The following SYNJ2 variants were observed in gnomAD, a reference collection of about 807,000 sequenced individuals.
SYNJ2 encodes synaptojanin 2.
SYNJ2 carries 116 observed loss-of-function variants against 141.3 expected under a neutral mutation model. The ratio of observed to expected loss-of-function variants is 0.82; its 90% CI spans 0.71 to 0.96. The LOEUF (loss-of-function observed/expected upper bound fraction) is 0.96, where lower values mean the gene tolerates loss of function less well. Ranked by LOEUF, SYNJ2 falls within the 40% of genes least tolerant of loss-of-function variation. The probability of loss-of-function intolerance (pLI) is 0.00; values close to 1 mark genes in which losing one functional copy is unlikely to be tolerated. For missense variants in SYNJ2, 1,873 were observed against 1,934.8 expected, an observed-to-expected ratio of 0.97 and a Z score of 0.60; for synonymous variants, 745 against 777.7, an observed-to-expected ratio of 0.96 and a Z score of 0.70.
chr6:158,000,474 T>C (rs1418052086), intron 1 of SYNJ2, among the ~76,000 whole-genome samples: 1 of 152,176 alleles, frequency 6.6e-6, no homozygotes, highest in African/African-American at 2.4e-5. Context: ...GGCCGTCTCA[T>C]AGCCCCTCTA....
intron 5 of SYNJ2, among the ~76,000 whole-genome samples, chr6:158,045,443 A>T (rs1418165973): frequency 6.6e-6 from 1 of 152,136 alleles, no homozygotes; most frequent in Non-Finnish European, 1.5e-5. Context: ...CAGGACCTCC[A>T]AAGGGCTGTC....
intron 20 of SYNJ2, 151 bp downstream of exon 20, chr6:158,081,661 A>T (rs1464435368): frequency 1.6e-6 from 1 of 633,600 alleles, no homozygotes; most frequent in African/African-American, 2.3e-5. Flanking sequence ...TTGCTCTGTC[A>T]TTCAGGCTGG....
At chr6:158,006,200 T>C (rs1294797469) in intron 1 of SYNJ2, among the ~76,000 whole-genome samples, 1 of 152,096 alleles carries the variant, frequency 6.6e-6, no homozygotes, top group Non-Finnish European at 1.5e-5. Context: ...CATGCACATA[T>C]GCACACGCAC....
intron 3 of SYNJ2, among the ~76,000 whole-genome samples, chr6:158,031,929 T>G (rs1779385873): frequency 6.6e-6 from 1 of 152,256 alleles, no homozygotes; most frequent in Non-Finnish European, 1.5e-5. Flanking sequence ...GCTGGCAGAC[T>G]CTGAAATATT....
intron 21 of SYNJ2, 139 bp downstream of exon 21, chr6:158,083,736 G>GCCCTCTGTC: frequency 8.4e-7 from 1 of 1,187,406 alleles, no homozygotes; most frequent in Non-Finnish European, 1.2e-6. Flanking sequence ...CATGTGATGA[G>GCCCTCTGTC]CATGTTTGTA....
At chr6:158,055,422 C>G (rs1345644972) in intron 6 of SYNJ2, among the ~76,000 whole-genome samples, 1 of 151,994 alleles carries the variant, frequency 6.6e-6, no homozygotes, top group East Asian at 1.9e-4. Flanking sequence ...TAAAAGTACC[C>G]TAACTCCCAG....
At chr6:158,038,689 G>A (rs1022610265) in intron 4 of SYNJ2, among the ~76,000 whole-genome samples, 1 of 152,258 alleles carries the variant, frequency 6.6e-6, no homozygotes, top group African/African-American at 2.4e-5. Flanking sequence ...TCCCAGGTGG[G>A]TGGGCATGGG....
At chr6:158,065,544 G>A (rs1030220862) in intron 11 of SYNJ2, among the ~76,000 whole-genome samples, 1 of 152,158 alleles carries the variant, frequency 6.6e-6, no homozygotes, top group African/African-American at 2.4e-5. Flanking sequence ...CTTCTTACCT[G>A]AGCCTGTAAA....
Position 158,070,160 on chromosome 6 carries a change from C to T in SYNJ2, c.1940+487C>T. On this transcript the variant is annotated intron_variant, in intron 14 of 26. Coordinates refer to ENST00000355585, the MANE Select transcript of SYNJ2 (RefSeq NM_003898.4). This position sits in a 1 kb window ranked among gnomAD's most constrained non-coding sequence, Gnocchi z 4.0. The stretch of plus-strand genomic sequence containing the variant: ...AGGGGGCGAGCTTAGGGGCGGCATT[C>T]CTCTTGGGGTGTGGGTGTGGGTGTT... 1 of 985,712 alleles carries T rather than the reference C, an allele frequency of 1.0e-6. No homozygotes were observed. The highest frequency in any genetic ancestry group is 1.2e-6 in the Non-Finnish European group (1 of 830,208). 61.1% of individuals were successfully genotyped at this position (985,712 alleles called of 1,614,324 possible).
In SYNJ2 at chr6:158,071,490, GGAGCACTCAGAGCAGCAGGTCCC is replaced by G; in HGVS notation, c.1941-107_1941-85del. 1 of 1,251,816 alleles carries G rather than the reference GGAGCACTCAGAGCAGCAGGTCCC, an allele frequency of 8.0e-7. No homozygotes were observed. Among genetic ancestry groups the G allele is most frequent in the Non-Finnish European group, 1.1e-6 (1 of 911,550 alleles). 77.5% of individuals were successfully genotyped at this position (1,251,816 alleles called of 1,614,324 possible). On this transcript the variant is annotated intron_variant, in intron 14 of 26. Coordinates refer to ENST00000355585, the MANE Select transcript of SYNJ2 (RefSeq NM_003898.4). The surrounding 1 kb of genome is among the most constrained non-coding windows in gnomAD (Gnocchi z 4.3). The stretch of plus-strand genomic sequence containing the variant: ...GCCACTGTGTTGAGCTGATGATTTT[GGAGCACTCAGAGCAGCAGGTCCC>G]GAGCTGCTGCTGGGCCCTTCTCTGT...
At chr6:158,036,427 A>G (rs1236252261) in intron 4 of SYNJ2, among the ~76,000 whole-genome samples, 2 of 152,238 alleles carry the variant, frequency 1.3e-5, no homozygotes, top group African/African-American at 4.8e-5. Flanking sequence ...ATGGAATAGT[A>G]TGCAGTCATG....
At position 158,063,825 on chromosome 6, in the gene SYNJ2, G is replaced by T; in HGVS notation, c.1162G>T (p.Asp388Tyr). 2 of 1,613,806 alleles carry T rather than the reference G, an allele frequency of 1.2e-6. No homozygotes were observed. The highest frequency in any genetic ancestry group is 2.2e-5 in the South Asian group (2 of 91,024). Residue 388 changes from aspartate to tyrosine, a missense_variant, in exon 9 of 27, where the codon GAC becomes TAC. Asp to Tyr is a radical substitution (Grantham distance 160). Transcript: ENST00000355585. ...QKGTLRMNCL[D>Y]CLDRTNTVQS... ...AGGCACTTTGCGGATGAACTGTCTT[G>T]ACTGCCTGGACCGAACCAACACTGT...
chr6:158,090,611 C>T (rs1292224974), intron 25 of SYNJ2, among the ~76,000 whole-genome samples: 2 of 137,024 alleles, frequency 1.5e-5, no homozygotes, highest in South Asian at 2.4e-4. Flanking sequence ...GTGGCTCAAT[C>T]CCAGGTCACT....
At chr6:158,044,680 G>T (rs1780141674) in intron 5 of SYNJ2, among the ~76,000 whole-genome samples, 1 of 152,164 alleles carries the variant, frequency 6.6e-6, no homozygotes, top group Non-Finnish European at 1.5e-5. Context: ...TTATGGTGTT[G>T]TGTAACCACC....
intron 4 of SYNJ2, among the ~76,000 whole-genome samples, chr6:158,038,184 G>A (rs1372203460): frequency 6.6e-6 from 1 of 152,214 alleles, no homozygotes; most frequent in East Asian, 1.9e-4. Context: ...CTGGGCTGGG[G>A]AGGGATTTCT....
chr6:158,033,364 C>T (rs778805714), intron 3 of SYNJ2, 91 bp from the exon 4 acceptor site: 4 of 1,398,880 alleles, frequency 2.9e-6, no homozygotes, highest in East Asian at 4.8e-5. Flanking sequence ...GCACCGTGCG[C>T]CCCCCAGTTC....
At chr6:158,048,450 G>C (rs1260440036) in intron 5 of SYNJ2, among the ~76,000 whole-genome samples, 1 of 152,136 alleles carries the variant, frequency 6.6e-6, no homozygotes, top group East Asian at 1.9e-4. Flanking sequence ...AGCAGGGCTG[G>C]GTCAAGGGCC....
At chr6:158,037,595 G>T (rs1319419708) in intron 4 of SYNJ2, among the ~76,000 whole-genome samples, 1 of 151,780 alleles carries the variant, frequency 6.6e-6, no homozygotes, top group Non-Finnish European at 1.5e-5. Context: ...TAGAGACAGG[G>T]TTTCACCGTG....
intron 4 of SYNJ2, among the ~76,000 whole-genome samples, chr6:158,039,014 C>A (rs1481460622): frequency 6.6e-6 from 1 of 152,210 alleles, no homozygotes; most frequent in Non-Finnish European, 1.5e-5. Context: ...CCAAAAAACA[C>A]AGGTGTGACA....
Sources: gnomAD v4.1 joint callset for allele counts (sites outside exome capture counted in the v4.1 genomes callset) on GRCh38, gnomAD v4.1.1 for gene constraint, Gnocchi (gnomAD v3.1) non-coding constraint, MANE v1.5 for transcripts, NCBI Gene and HGNC (gene_info 2026-07-23, HGNC 2026-07-21) for gene names.